The following PXDNL variants were observed in gnomAD, a reference collection of about 807,000 sequenced individuals.
The protein encoded by PXDNL is probable oxidoreductase PXDNL.
PXDNL carries 145 observed loss-of-function variants against 150.8 expected under a neutral mutation model. That is an observed-to-expected ratio of 0.96 (90% CI 0.84 to 1.10). PXDNL has a LOEUF of 1.10. PXDNL is among the 50% of genes least tolerant of loss of function. The pLI, the probability that PXDNL is intolerant of heterozygous loss-of-function variation, is 0.00. For missense variants in PXDNL, 2,087 were observed against 1,873.9 expected (o/e 1.11, Z -2.10); for synonymous variants, 757 against 725.7 (o/e 1.04, Z -0.69).
At chr8:51,501,535 C>T (rs1482374856) in intron 4 of PXDNL, among the ~76,000 whole-genome samples, 3 of 151,938 alleles carry the variant, frequency 2.0e-5, no homozygotes, top group Non-Finnish European at 2.9e-5. Flanking sequence ...TACACTCTCA[C>T]ATACACTAAC....
intron 1 of PXDNL, among the ~76,000 whole-genome samples, chr8:51,751,995 C>G (rs561056535): frequency 2.6e-5 from 4 of 152,136 alleles, no homozygotes; most frequent in Non-Finnish European, 5.9e-5. Flanking sequence ...CCACCAGTTA[C>G]AAGGAGAAGG....
At chr8:51,665,958 G>C (rs1815376966) in intron 1 of PXDNL, among the ~76,000 whole-genome samples, 2 of 152,188 alleles carry the variant, frequency 1.3e-5, no homozygotes. Context: ...ATATTTTTCT[G>C]TCAAAATTTT....
Position 51,447,169 on chromosome 8 carries a change from A to C in PXDNL, c.1367-7T>G. On this transcript the variant is annotated splice_polypyrimidine_tract_variant and splice_region_variant and intron_variant, in intron 11 of 22. Transcript: ENST00000356297. ...TCCACAGGGAGCTGCCCTCCTGCAA[A>C]AAGAGGTAAAGAAAGTATTCTTCAT... is the stretch of plus-strand genomic sequence containing the variant. The C allele has an allele frequency of 1.2e-6, 2 of 1,612,726 alleles. No homozygotes were observed. Among genetic ancestry groups the C allele is most frequent in the Non-Finnish European group, 1.7e-6 (2 of 1,179,196 alleles).
intron 3 of PXDNL, among the ~76,000 whole-genome samples, chr8:51,589,028 G>A (rs987447492): frequency 6.6e-6 from 1 of 152,062 alleles, no homozygotes; most frequent in African/African-American, 2.4e-5. Context: ...CTCATGAATG[G>A]GTTAATGCCA....
At chr8:51,333,971 T>C (rs985078949) in intron 21 of PXDNL, among the ~76,000 whole-genome samples, 12 of 151,990 alleles carry the variant, frequency 7.9e-5, no homozygotes, top group African/African-American at 2.4e-4. Context: ...CAAATGGACA[T>C]AACAGATATA....
chr8:51,599,595 GAT>G (rs1813648686), intron 2 of PXDNL, among the ~76,000 whole-genome samples: 1 of 147,116 alleles, frequency 6.8e-6, no homozygotes. Context: ...CTTATATCAA[GAT>G]ATAATAAATT....
At chr8:51,493,758 C>T (rs1186760549) in intron 5 of PXDNL, among the ~76,000 whole-genome samples, 1 of 152,138 alleles carries the variant, frequency 6.6e-6, no homozygotes, top group Non-Finnish European at 1.5e-5. Flanking sequence ...ATGAACAAAG[C>T]CTCCAAGAAA....
chr8:51,543,859 A>G (rs1246759404), intron 4 of PXDNL, among the ~76,000 whole-genome samples: 1 of 152,234 alleles, frequency 6.6e-6, no homozygotes, highest in Non-Finnish European at 1.5e-5. Flanking sequence ...GGAGGCAAGA[A>G]AAAAGAAAAA....
chr8:51,763,872 A>T (rs1223554040), intron 1 of PXDNL, among the ~76,000 whole-genome samples: 1 of 152,218 alleles, frequency 6.6e-6, no homozygotes, highest in Non-Finnish European at 1.5e-5. Context: ...TTTTTGGAAA[A>T]ATCTGTGAAG....
intron 4 of PXDNL, among the ~76,000 whole-genome samples, chr8:51,532,199 C>G (rs1811921253): frequency 6.6e-6 from 1 of 152,188 alleles, no homozygotes; most frequent in African/African-American, 2.4e-5. Context: ...ATACTTACCA[C>G]TTGAGAATCA....
At chr8:51,543,341 G>A (rs1812263672) in intron 4 of PXDNL, among the ~76,000 whole-genome samples, 1 of 152,214 alleles carries the variant, frequency 6.6e-6, no homozygotes, top group Admixed American at 6.5e-5. Flanking sequence ...TTTTATACAG[G>A]TGTAGAAGCT....
intron 2 of PXDNL, among the ~76,000 whole-genome samples, chr8:51,611,977 G>A (rs1814015938): frequency 6.6e-6 from 1 of 152,352 alleles, no homozygotes; most frequent in East Asian, 1.9e-4. Context: ...AGCAGATGCA[G>A]GCAGATCTGG....
intron 6 of PXDNL, among the ~76,000 whole-genome samples, chr8:51,475,852 C>A (rs1365726080): frequency 6.6e-6 from 1 of 151,332 alleles, no homozygotes; most frequent in African/African-American, 2.4e-5. Flanking sequence ...ATATTTAGAT[C>A]CCACTTATAA....
At chr8:51,392,485 T>G (rs1807943358) in intron 17 of PXDNL, among the ~76,000 whole-genome samples, 1 of 152,224 alleles carries the variant, frequency 6.6e-6, no homozygotes, top group Non-Finnish European at 1.5e-5. Context: ...CTAGGTATTT[T>G]ATTCTCTTTG....
rs546644627 is a variant in PXDNL, at chr8:51,495,488, A to G, written c.452+4211T>C. Among the ~76,000 whole-genome samples the G allele has an allele frequency of 6.5e-3, 985 of 152,336 alleles. 16 individuals are homozygous for G. The highest frequency in any genetic ancestry group is 0.023 in the African/African-American group (947 of 41,576). On this transcript the variant is annotated intron_variant, in intron 5 of 22. Transcript: ENST00000356297. ...AACCCTTCAAAAAATCAATGAATCCAGGAGCTGGTTTTTGAAAAGATCAAC... is the reference window on the plus strand; with the variant it reads ...AACCCTTCAAAAAATCAATGAATCCGGGAGCTGGTTTTTGAAAAGATCAAC...
intron 17 of PXDNL, among the ~76,000 whole-genome samples, chr8:51,376,058 A>G (rs976123768): frequency 3.9e-5 from 6 of 152,248 alleles, no homozygotes; most frequent in African/African-American, 1.4e-4. Flanking sequence ...CAATTTTAAT[A>G]GTTAATGCCA....
At chr8:51,564,743 A>T (rs1271364590) in intron 3 of PXDNL, among the ~76,000 whole-genome samples, 2 of 151,978 alleles carry the variant, frequency 1.3e-5, no homozygotes, top group African/African-American at 2.4e-5. Context: ...GCAATACAAT[A>T]TAAAAGTATA....
chr8:51,616,361 C>T (rs536609366), intron 2 of PXDNL, among the ~76,000 whole-genome samples: 1 of 152,324 alleles, frequency 6.6e-6, no homozygotes, highest in African/African-American at 2.4e-5. Context: ...ACTCTGGGAT[C>T]AGCCACGATG....
chr8:51,518,276 G>A (rs1811588817), intron 4 of PXDNL, among the ~76,000 whole-genome samples: 1 of 152,132 alleles, frequency 6.6e-6, no homozygotes. Flanking sequence ...CTCCATCTGG[G>A]CACATGTCAC....
Sources: gnomAD v4.1 joint callset for allele counts (sites outside exome capture counted in the v4.1 genomes callset) on GRCh38, gnomAD v4.1.1 for gene constraint, MANE v1.5 for transcripts, NCBI Gene and HGNC (gene_info 2026-07-23, HGNC 2026-07-21) for gene names.